NIPSNAP3B: variants seen among roughly 807,000 people sequenced by gnomAD.
NIPSNAP3B encodes nipsnap homolog 3B.
A neutral mutation model predicts 31.5 loss-of-function variants in NIPSNAP3B; 30 were observed. The observed-to-expected ratio is 0.95, with a 90% CI of 0.71 to 1.29. NIPSNAP3B has a LOEUF of 1.29. Among genes scored for constraint, NIPSNAP3B ranks in the 50% most tolerant of loss-of-function variants. NIPSNAP3B has a pLI of 0.00. For missense variants in NIPSNAP3B, 269 were observed against 300.7 expected, an observed-to-expected ratio of 0.89 and a Z score of 0.78; for synonymous variants, 106 against 107.9, an observed-to-expected ratio of 0.98 and a Z score of 0.11.
chr9:104,780,149 C>G (rs1828443240), downstream of NIPSNAP3B, among the ~76,000 whole-genome samples: 1 of 152,176 alleles, frequency 6.6e-6, no homozygotes, highest in Non-Finnish European at 1.5e-5. Context: ...CACGAAGAAA[C>G]AGTGTTCTAT....
At chr9:104,785,283 AG>A in the NIPSNAP3B span, 2 of 1,395,460 alleles carry the variant, frequency 1.4e-6, no homozygotes, top group African/African-American at 1.4e-5. Flanking sequence ...ATAGTAGATC[AG>A]GAATTCAAGC....
the NIPSNAP3B span, chr9:104,785,729 A>G: frequency 1.3e-6 from 2 of 1,545,174 alleles, no homozygotes; most frequent in South Asian, 2.3e-5. Context: ...TGTGCCATGA[A>G]AAAGGGCGGC....
At chr9:104,784,457 T>A in the NIPSNAP3B span, 1 of 1,613,958 alleles carries the variant, frequency 6.2e-7, no homozygotes, top group African/African-American at 1.3e-5. Flanking sequence ...CACAAATACC[T>A]GTTAAAAGAT....
At chr9:104,764,352 C>T (rs1019120334) in intron 1 of NIPSNAP3B, 52 bp downstream of exon 1, 1 of 1,447,800 alleles carries the variant, frequency 6.9e-7, no homozygotes. Flanking sequence ...AGGGGAGGGG[C>T]GGGGGGTATT....
the NIPSNAP3B span, chr9:104,786,955 C>G: frequency 6.2e-7 from 1 of 1,614,024 alleles, no homozygotes; most frequent in Non-Finnish European, 8.5e-7. Flanking sequence ...GCTTTGGGAT[C>G]CATGCCTGTG....
At chr9:104,771,144 AT>A in intron 4 of NIPSNAP3B, 146 bp downstream of exon 4, 2 of 615,400 alleles carry the variant, frequency 3.2e-6, no homozygotes, top group African/African-American at 1.8e-5. Context: ...TAAGCATCTT[AT>A]TTTACATCTT....
downstream of NIPSNAP3B, among the ~76,000 whole-genome samples, chr9:104,779,027 C>T (rs1828388990): frequency 6.6e-6 from 1 of 152,170 alleles, no homozygotes; most frequent in South Asian, 2.1e-4. Context: ...CTTTTACCAC[C>T]TCAGCTTGCC....
rs1828148599 is a variant in NIPSNAP3B at position 104,769,018 on chromosome 9, G to C, written c.427G>C (p.Glu143Gln). ...GTCCAAATTAGAAAAGCCTCCAAAAGAAGGTGAGTTCTTCCCTCTTAGACT... is the reference window on the plus strand; with the variant it reads ...GTCCAAATTAGAAAAGCCTCCAAAACAAGGTGAGTTCTTCCCTCTTAGACT... Reference protein sequence around the residue: ...PWSKLEKPPKEGVYELAVFQM... With the variant: ...PWSKLEKPPKQGVYELAVFQM... Residue 143 changes from glutamate (E) to glutamine (Q), a missense_variant, in exon 3 of 6, where the codon GAA becomes CAA. Physicochemically the swap from Glu to Gln is conservative, Grantham distance 29 (BLOSUM62 2). Transcript: ENST00000374762. 1.2e-6 allele frequency: 2 copies of C among 1,611,550 alleles called. No individual in the cohort carries two copies. Among genetic ancestry groups the C allele is most frequent in the Non-Finnish European group, 1.7e-6 (2 of 1,178,994 alleles).
Position 104,764,191 on chromosome 9 carries a change from G to A in NIPSNAP3B, c.-50G>A, listed in dbSNP as rs1828037846. 6.5e-7 allele frequency: 1 copy of A among 1,542,908 alleles called. No individual in the cohort carries two copies. Among genetic ancestry groups the A allele is most frequent in the Admixed American group, 1.9e-5 (1 of 53,112 alleles). ...TTCCACTCGGGAAGACTTCAGAGAA[G>A]TCTCACAAAGGACTCGGCTGGCTGC... On this transcript the variant is annotated 5_prime_UTR_variant, in exon 1 of 6. Transcript: ENST00000374762.
intron 4 of NIPSNAP3B, 71 bp downstream of exon 4, chr9:104,771,069 G>A (rs1441398396): frequency 1.8e-5 from 25 of 1,384,594 alleles, no homozygotes; most frequent in Non-Finnish European, 2.3e-5. Context: ...TTTCATTTTG[G>A]TACCTGTTTT....
At chr9:104,768,565 AC>A (rs1828137005) in intron 2 of NIPSNAP3B, among the ~76,000 whole-genome samples, 1 of 152,234 alleles carries the variant, frequency 6.6e-6, no homozygotes, top group African/African-American at 2.4e-5. Flanking sequence ...AGAATAAGAA[AC>A]TGAGGCACAG....
the NIPSNAP3B span, among the ~76,000 whole-genome samples, chr9:104,789,089 C>T: frequency 6.6e-6 from 1 of 152,204 alleles, no homozygotes; most frequent in East Asian, 1.9e-4. Context: ...TGTTCACGTT[C>T]CAGACTGATG....
intron 4 of NIPSNAP3B, chr9:104,771,207 G>C (rs2118795880): frequency 2.2e-6 from 1 of 454,392 alleles, no homozygotes. Context: ...TGCTGAACTG[G>C]TGTTTGTTTT....
intron 4 of NIPSNAP3B, chr9:104,771,333 C>A (rs1223809345): frequency 3.6e-5 from 6 of 167,760 alleles, no homozygotes; most frequent in African/African-American, 1.4e-4. Context: ...AGCCCAGTAC[C>A]CAATTGTTAT....
At position 104,764,374 on chromosome 9, in the gene NIPSNAP3B, C is replaced by A. The variant is rs372584425; in HGVS notation, c.60+74C>A. On this transcript the variant is annotated intron_variant, in intron 1 of 5. Coordinates refer to ENST00000374762, the MANE Select transcript of NIPSNAP3B (RefSeq NM_018376.4). ...GGGCGGGGGGTATTTCTGAAGCGTG[C>A]GAGCCACGCTCAGGCGCTCCCAGAC... The A allele has an allele frequency of 3.1e-6, 4 of 1,300,608 alleles. No individual in the cohort carries two copies. In the Admixed American group the frequency reaches 7.9e-5, roughly 26 times the overall value. The allele number at this position is 1,300,608 out of a possible 1,614,324, so 80.6% of individuals were successfully genotyped here.
the NIPSNAP3B span, chr9:104,788,626 A>G: frequency 6.3e-7 from 1 of 1,582,584 alleles, no homozygotes; most frequent in East Asian, 2.2e-5. Flanking sequence ...CTGGTTAGAC[A>G]ATCTGGCCTA....
At chr9:104,787,726 G>A in the NIPSNAP3B span, 1 of 533,704 alleles carries the variant, frequency 1.9e-6, no homozygotes, top group Non-Finnish European at 2.4e-6. Context: ...CTATTTGGGA[G>A]CATCTGCAGG....
the NIPSNAP3B span, chr9:104,790,889 T>C: frequency 7.1e-7 from 1 of 1,415,568 alleles, no homozygotes; most frequent in Non-Finnish European, 1.0e-6. Flanking sequence ...AACAAAGTCT[T>C]TGCAGCAAAA....
downstream of NIPSNAP3B, chr9:104,782,451 T>C (rs1828598908): frequency 6.6e-6 from 1 of 152,200 alleles, no homozygotes; most frequent in Non-Finnish European, 1.5e-5. Context: ...GTAATGATAT[T>C]GAAAGATCAC....
Sources: allele counts gnomAD v4.1 joint callset (sites outside exome capture counted in the v4.1 genomes callset), GRCh38; gene constraint gnomAD v4.1.1; transcripts MANE v1.5; gene names NCBI Gene and HGNC (gene_info 2026-07-23, HGNC 2026-07-21).